CALD1: variants seen among roughly 807,000 people sequenced by gnomAD.
The protein encoded by CALD1 is caldesmon 1, also known as caldesmon.
In CALD1, 33 loss-of-function variants were observed where a neutral mutation model predicts 99.9. The ratio of observed to expected loss-of-function variants is 0.33; its 90% CI spans 0.25 to 0.44. CALD1 has a LOEUF of 0.44. Among genes scored for constraint, CALD1 ranks in the 20% least tolerant of loss-of-function variants. The probability of loss-of-function intolerance (pLI) is 1.00; values close to 1 mark genes in which losing one functional copy is unlikely to be tolerated. For synonymous variants in CALD1, 310 were observed against 325.0 expected (o/e 0.95, Z 0.50); for missense variants, 861 against 962.1 (o/e 0.89, Z 1.39).
intron 1 of CALD1, among the ~76,000 whole-genome samples, chr7:134,799,872 C>G (rs1327200663): frequency 6.6e-6 from 1 of 151,728 alleles, no homozygotes; most frequent in African/African-American, 2.4e-5. Flanking sequence ...TTTTCTTCAT[C>G]AAGAAAAACA....
intron 3 of CALD1, among the ~76,000 whole-genome samples, chr7:134,873,556 C>T (rs1371549025): frequency 1.3e-5 from 2 of 152,308 alleles, no homozygotes; most frequent in Admixed American, 1.3e-4. Context: ...GACGGACCGC[C>T]GCCGGCCCCA....
chr7:134,964,199 C>T (rs1808496409), intron 13 of CALD1, among the ~76,000 whole-genome samples: 1 of 152,092 alleles, frequency 6.6e-6, no homozygotes, highest in African/African-American at 2.4e-5. Flanking sequence ...TGTCTCACAA[C>T]AGAAAAAGAA....
At position 134,932,158 on chromosome 7, in the gene CALD1, C is replaced by T. The variant is rs192104981; in HGVS notation, c.219-830C>T. ...ATTGGCAGTTATTGGTCACATGGCC[C>T]GCCTAGGTGCAAAGAAGGGAGAGGG... On this transcript the variant is annotated intron_variant, in intron 4 of 14. Transcript: ENST00000361675. Among the ~76,000 whole-genome samples, 212 of 152,256 alleles carry T rather than the reference C, an allele frequency of 1.4e-3. 3 individuals carry two copies. The highest frequency in any genetic ancestry group is 4.9e-3 in the African/African-American group (202 of 41,550).
intron 2 of CALD1, among the ~76,000 whole-genome samples, chr7:134,856,175 C>T (rs755588713): frequency 1.1e-4 from 16 of 152,164 alleles, no homozygotes; most frequent in Non-Finnish European, 2.1e-4. Context: ...TTGCCTTCCA[C>T]GTATAGTACA....
chr7:134,948,078 G>A (rs1420125544), intron 8 of CALD1: 9 of 246,322 alleles, frequency 3.7e-5, no homozygotes, highest in Non-Finnish European at 7.0e-5. Context: ...TGCAGGAGGA[G>A]CCCCATCATT....
intron 1 of CALD1, among the ~76,000 whole-genome samples, chr7:134,834,333 T>C (rs1259545536): frequency 2.6e-5 from 4 of 152,236 alleles, no homozygotes; most frequent in Admixed American, 6.5e-5. Context: ...GTTTAGCCCA[T>C]GATGGCAGTT....
chr7:134,909,507 A>G (rs1803639980), intron 3 of CALD1, among the ~76,000 whole-genome samples: 1 of 152,180 alleles, frequency 6.6e-6, no homozygotes, highest in Admixed American at 6.5e-5. Context: ...ACACAGTGAA[A>G]CCCTGTCTCT....
At chr7:134,731,679 A>G in the CALD1 span, among the ~76,000 whole-genome samples, 4 of 150,380 alleles carry the variant, frequency 2.7e-5, no homozygotes, top group African/African-American at 9.8e-5. Flanking sequence ...AGCTCCAAAT[A>G]TAAGTTTTTT....
the CALD1 span, among the ~76,000 whole-genome samples, chr7:134,718,054 C>T: frequency 6.6e-6 from 1 of 151,906 alleles, no homozygotes; most frequent in African/African-American, 2.4e-5. Context: ...TTTCTTTTTC[C>T]CTTTTGTTTT....
chr7:134,891,440 G>C, intron 3 of CALD1: 1 of 1,316,462 alleles, frequency 7.6e-7, no homozygotes, highest in Non-Finnish European at 9.7e-7. Context: ...GACAAGCCCA[G>C]ACTTTCGTCA....
chr7:134,746,211 C>T (rs1796633138), intron 1 of CALD1, among the ~76,000 whole-genome samples: 1 of 152,118 alleles, frequency 6.6e-6, no homozygotes, highest in African/African-American at 2.4e-5. Flanking sequence ...TGGGAGGTGA[C>T]TAAATCATAA....
chr7:134,947,437 G>C, intron 7 of CALD1, 71 bp from the exon 8 acceptor site: 1 of 1,459,564 alleles, frequency 6.9e-7, no homozygotes, highest in Non-Finnish European at 9.2e-7. Flanking sequence ...GCCGCAGACC[G>C]ACCTCCCCTT....
intron 1 of CALD1, among the ~76,000 whole-genome samples, chr7:134,765,178 G>T (rs1440206651): frequency 6.6e-6 from 1 of 152,058 alleles, no homozygotes; most frequent in Non-Finnish European, 1.5e-5. Flanking sequence ...AGCCGAGTGT[G>T]GTGGTGCACG....
At chr7:134,905,922 CTTTTTTTTTTTT>C (rs5887716) in intron 3 of CALD1, among the ~76,000 whole-genome samples, 5 of 94,776 alleles carry the variant, frequency 5.3e-5, no homozygotes, top group African/African-American at 8.6e-5. Flanking sequence ...CTCTCTATAT[CTTTTTTTTTTTT>C]TTTTTTTTTT....
rs534899504 is a variant in CALD1 at position 134,945,877 on chromosome 7, C to T, written c.1533-1631C>T. On this transcript the variant is annotated intron_variant, in intron 7 of 14. Coordinates refer to ENST00000361675, the MANE Select transcript of CALD1 (RefSeq NM_033138.4). ...CTGTGTTTAGCTCTTAATCAAGAGG[C>T]AATGGGTAATTTCGTCTGCCAGAGA... Among the ~76,000 whole-genome samples the T allele has an allele frequency of 7.2e-5, 11 of 152,302 alleles. No homozygotes were observed. In the South Asian group the frequency reaches 2.1e-3, roughly 29 times the overall value.
chr7:134,933,481 C>A lies in CALD1; in HGVS notation c.712C>A (p.Pro238Thr). The change falls in exon 5 of 15, where the codon CCT becomes ACT. Residue 238 changes from proline (P) to threonine (T), a missense_variant. Transcript: ENST00000361675. Reference sequence around the variant, plus strand: ...AAATGGGCAGATCAGTTCAGAAGAGCCTAAACAAGAGGAGGAGAGGGAACA... The same window carrying A: ...AAATGGGCAGATCAGTTCAGAAGAGACTAAACAAGAGGAGGAGAGGGAACA... ...LKNGQISSEE[P>T]KQEEEREQGS... 1.2e-6 allele frequency: 2 copies of A among 1,613,690 alleles called. No individual in the cohort carries two copies. The highest frequency in any genetic ancestry group is 1.6e-4 in the Middle Eastern group (1 of 6,062).
intron 3 of CALD1, chr7:134,900,007 A>G (rs1802877138): frequency 6.6e-6 from 1 of 152,220 alleles, no homozygotes; most frequent in Non-Finnish European, 1.5e-5. Context: ...TCAGTTCTCC[A>G]AATCACTCTA....
At chr7:134,901,549 C>A in intron 3 of CALD1, among the ~76,000 whole-genome samples, 1 of 152,046 alleles carries the variant, frequency 6.6e-6, no homozygotes, top group Middle Eastern at 3.2e-3. Context: ...GTTGTATTAG[C>A]TTCTGAGGGC....
intron 2 of CALD1, among the ~76,000 whole-genome samples, chr7:134,867,462 T>G (rs983090951): frequency 6.6e-6 from 1 of 152,212 alleles, no homozygotes; most frequent in African/African-American, 2.4e-5. Context: ...GAGGTCTTTT[T>G]TAAAGAATAA....
Sources: allele counts gnomAD v4.1 joint callset (sites outside exome capture counted in the v4.1 genomes callset), GRCh38; gene constraint gnomAD v4.1.1; transcripts MANE v1.5; gene names NCBI Gene and HGNC (gene_info 2026-07-23, HGNC 2026-07-21).